The following CDYL variants were observed in gnomAD, a reference collection of about 807,000 sequenced individuals.
CDYL encodes the protein chromodomain Y-like protein.
In CDYL, 8 loss-of-function variants were observed where a neutral mutation model predicts 47.3. The observed-to-expected ratio is 0.17, with a 90% CI of 0.10 to 0.31. CDYL has a LOEUF of 0.31. Ranked by LOEUF, CDYL falls within the 10% of genes least tolerant of loss-of-function variation. The pLI is 1.00. For synonymous variants in CDYL, 266 were observed against 265.0 expected (o/e 1.00, Z -0.04); for missense variants, 471 against 701.4 (o/e 0.67, Z 3.71).
At chr6:4,853,841 A>G (rs956937501) in intron 1 of CDYL, among the ~76,000 whole-genome samples, 1 of 152,238 alleles carries the variant, frequency 6.6e-6, no homozygotes, top group Non-Finnish European at 1.5e-5. Flanking sequence ...CTGCGTGTGC[A>G]GAACAGCATG....
At chr6:4,747,075 G>A (rs535099049) in intron 3 of CDYL, among the ~76,000 whole-genome samples, 2 of 152,226 alleles carry the variant, frequency 1.3e-5, no homozygotes, top group South Asian at 2.1e-4. Flanking sequence ...TTGGGAGGTC[G>A]AGGCGGGCCG....
At position 4,932,091 on chromosome 6, in the gene CDYL, C is replaced by T. The variant is rs149763327; in HGVS notation, c.692-3424C>T. Among the ~76,000 whole-genome samples, 202 of 152,274 alleles carry T rather than the reference C, an allele frequency of 1.3e-3. 1 individual carries two copies. Among genetic ancestry groups the T allele is most frequent in the African/African-American group, 4.7e-3 (194 of 41,534 alleles). ...AGGAAAGACCCAGTGAAAGCAAGAGCATTCCAGAGGTGGGGAGAGTGGACC... is the reference window on the plus strand; with the variant it reads ...AGGAAAGACCCAGTGAAAGCAAGAGTATTCCAGAGGTGGGGAGAGTGGACC... On this transcript the variant is annotated intron_variant, in intron 2 of 6. Coordinates refer to ENST00000397588, the MANE Select transcript of CDYL (RefSeq NM_004824.4).
At chr6:4,927,813 A>G (rs774376215) in intron 2 of CDYL, among the ~76,000 whole-genome samples, 8 of 152,172 alleles carry the variant, frequency 5.3e-5, no homozygotes, top group Non-Finnish European at 1.2e-4. Flanking sequence ...TTCAATTTTT[A>G]TGTACTAGAA....
At chr6:4,789,593 T>C (rs143437177) in intron 1 of CDYL, among the ~76,000 whole-genome samples, 3 of 152,322 alleles carry the variant, frequency 2.0e-5, no homozygotes, top group East Asian at 3.9e-4. Flanking sequence ...AGCTCTGCAG[T>C]GCTCTGTGAG....
intron 2 of CDYL, among the ~76,000 whole-genome samples, chr6:4,912,402 G>A (rs575131391): frequency 6.6e-6 from 1 of 152,374 alleles, no homozygotes; most frequent in South Asian, 2.1e-4. Context: ...GTTCCCTGCA[G>A]TGGCTCCTTG....
intron 1 of CDYL, among the ~76,000 whole-genome samples, chr6:4,710,457 A>G (rs995180751): frequency 1.3e-5 from 2 of 148,976 alleles, no homozygotes; most frequent in East Asian, 2.0e-4. Context: ...CTGGAGAATG[A>G]GTCCAGCATC....
intron 1 of CDYL, 103 bp downstream of exon 1, chr6:4,776,910 C>A: frequency 7.7e-6 from 3 of 388,242 alleles, no homozygotes; most frequent in South Asian, 9.6e-5. Flanking sequence ...CCCGCCGCGT[C>A]CCCTCCCCCG....
intron 1 of CDYL, among the ~76,000 whole-genome samples, chr6:4,842,952 G>GT (rs1331824469): frequency 6.6e-6 from 1 of 152,076 alleles, no homozygotes; most frequent in African/African-American, 2.4e-5. Flanking sequence ...AGCAGTTTTT[G>GT]TTTCAAGATT....
At chr6:4,824,913 C>T (rs1185322004) in intron 1 of CDYL, among the ~76,000 whole-genome samples, 1 of 151,932 alleles carries the variant, frequency 6.6e-6, no homozygotes, top group Admixed American at 6.6e-5. Flanking sequence ...CTCTGTTGCC[C>T]AGGCTGGAGT....
At chr6:4,715,810 G>T (rs756536468) in exon 2 of CDYL, 10 of 1,614,136 alleles carry the variant, frequency 6.2e-6, no homozygotes, top group Middle Eastern at 1.6e-4. Flanking sequence ...AGGTCAGCCT[G>T]GGGAAAAAGC....
At chr6:4,832,954 G>A (rs929513885) in intron 1 of CDYL, among the ~76,000 whole-genome samples, 7 of 152,140 alleles carry the variant, frequency 4.6e-5, no homozygotes, top group African/African-American at 1.4e-4. Flanking sequence ...GCGTCTATTT[G>A]ATTCTTCTTT....
intron 3 of CDYL, among the ~76,000 whole-genome samples, chr6:4,768,141 A>C (rs1368533743): frequency 6.6e-6 from 1 of 152,214 alleles, no homozygotes; most frequent in Non-Finnish European, 1.5e-5. Context: ...GCCTTTGGAA[A>C]AAGCCCTTTC....
intron 1 of CDYL, among the ~76,000 whole-genome samples, chr6:4,788,316 C>T (rs922350296): frequency 8.6e-5 from 13 of 151,630 alleles, no homozygotes; most frequent in East Asian, 2.0e-4. Flanking sequence ...ATGGTAAAAC[C>T]GCGTTTCTGC....
intron 3 of CDYL, among the ~76,000 whole-genome samples, chr6:4,761,589 G>T: frequency 6.6e-6 from 1 of 152,150 alleles, no homozygotes; most frequent in East Asian, 1.9e-4. Flanking sequence ...TGATCTGCCT[G>T]CCTCAGCCTC....
intron 1 of CDYL, among the ~76,000 whole-genome samples, chr6:4,852,314 T>TCTTCCTTCCTTC (rs567284610): frequency 2.9e-4 from 44 of 151,352 alleles, no homozygotes; most frequent in African/African-American, 9.3e-4. Flanking sequence ...GCAGGGCCAG[T>TCTTCCTTCCTTC]CTTCCTTCCT....
At chr6:4,756,573 C>CGTGTGTGT (rs1228739911) in intron 3 of CDYL, among the ~76,000 whole-genome samples, 14 of 125,236 alleles carry the variant, frequency 1.1e-4, no homozygotes, top group African/African-American at 5.5e-4. Context: ...TTAAAATTAT[C>CGTGTGTGT]GTGTGTATGT....
intron 1 of CDYL, among the ~76,000 whole-genome samples, chr6:4,810,149 C>T (rs1177073099): frequency 6.6e-6 from 1 of 152,070 alleles, no homozygotes; most frequent in Non-Finnish European, 1.5e-5. Flanking sequence ...CTTTATGACT[C>T]GCCCTTGCCT....
chr6:4,741,914 C>T (rs1757803326), intron 3 of CDYL, among the ~76,000 whole-genome samples: 1 of 152,184 alleles, frequency 6.6e-6, no homozygotes, highest in Admixed American at 6.5e-5. Context: ...ACTCAAAGTC[C>T]AGAATCTCTA....
In CDYL at chr6:4,900,779, G is replaced by GTGTATGTATATATATATATATATA; in HGVS notation, c.691+8401_691+8402insGTATGTATATATATATATATATAT. 3.9e-5 allele frequency among the ~76,000 whole-genome samples: 2 copies of GTGTATGTATATATATATATATATA among 51,706 alleles called. 1 individual carries two copies. Among genetic ancestry groups the GTGTATGTATATATATATATATATA allele is most frequent in the African/African-American group, 1.3e-4 (2 of 15,864 alleles). The allele number at this position is 51,706 out of a possible 152,430, so 33.9% of individuals were successfully genotyped here. A position where few individuals can be genotyped will look rare whatever the true frequency, so the allele number is the denominator to read the frequency against. On this transcript the variant is annotated intron_variant, in intron 2 of 6. Transcript: ENST00000397588. Reference sequence around the variant, plus strand: ...TCTTCTGTTAATTCCGTATACGTGTGTATATATATATATATATATATATAT... The same window carrying GTGTATGTATATATATATATATATA: ...TCTTCTGTTAATTCCGTATACGTGTGTGTATGTATATATATATATATATATATATATATATATATATATATATAT...
Sources: allele counts gnomAD v4.1 joint callset (sites outside exome capture counted in the v4.1 genomes callset), GRCh38; gene constraint gnomAD v4.1.1; transcripts MANE v1.5; gene names NCBI Gene and HGNC (gene_info 2026-07-23, HGNC 2026-07-21).